The following MACROH2A2 variants were observed in gnomAD, a reference collection of about 807,000 sequenced individuals.
MACROH2A2 encodes macroH2A.2 histone, also known as core histone macro-H2A.2.
In MACROH2A2, 6 loss-of-function variants were observed where a neutral mutation model predicts 37.6. The observed-to-expected ratio is 0.16, with a 90% CI of 0.09 to 0.32. The LOEUF (loss-of-function observed/expected upper bound fraction) is 0.32. MACROH2A2 is among the 10% of genes least tolerant of loss of function. The probability of loss-of-function intolerance (pLI) is 1.00; values close to 1 mark genes in which losing one functional copy is unlikely to be tolerated. For synonymous variants in MACROH2A2, 192 were observed against 202.7 expected (o/e 0.95, Z 0.45); for missense variants, 290 against 485.9 (o/e 0.60, Z 3.79).
At chr10:70,073,802 C>T (rs1220206109) in intron 1 of MACROH2A2, among the ~76,000 whole-genome samples, 1 of 152,092 alleles carries the variant, frequency 6.6e-6, no homozygotes, top group Non-Finnish European at 1.5e-5. Flanking sequence ...TCATATTAAC[C>T]AAGCATTCAT....
intron 2 of MACROH2A2, among the ~76,000 whole-genome samples, chr10:70,083,790 C>G (rs1381716482): frequency 6.8e-6 from 1 of 147,924 alleles, no homozygotes; most frequent in African/African-American, 2.5e-5. Flanking sequence ...CTAGAATGCC[C>G]CATTGACCTG....
Position 70,107,020 on chromosome 10 carries a change from A to C in MACROH2A2, c.779-2013A>C. Among the ~76,000 whole-genome samples, 1 of 152,122 alleles carries C rather than the reference A, an allele frequency of 6.6e-6. No individual in the cohort carries two copies. Among genetic ancestry groups the C allele is most frequent in the East Asian group, 1.9e-4 (1 of 5,172 alleles). On this transcript the variant is annotated intron_variant, in intron 7 of 8. Coordinates refer to ENST00000373255, the MANE Select transcript of MACROH2A2 (RefSeq NM_018649.3). This position sits in a 1 kb window ranked among gnomAD's most constrained non-coding sequence, Gnocchi z 4.4. Reference sequence around the variant, plus strand: ...TCTCAGCAGAGCAGCCTCCAGTTTTAGGGGCATCATTGTTCAGTCCAAAGA... The same window carrying C: ...TCTCAGCAGAGCAGCCTCCAGTTTTCGGGGCATCATTGTTCAGTCCAAAGA...
chr10:70,091,255 C>G (rs1006534160), intron 3 of MACROH2A2, among the ~76,000 whole-genome samples: 1 of 152,224 alleles, frequency 6.6e-6, no homozygotes, highest in Non-Finnish European at 1.5e-5. Context: ...GCTTTCTGTA[C>G]AACATCACAG....
At position 70,075,744 on chromosome 10, in the gene MACROH2A2, T is replaced by C; in HGVS notation, c.86T>C (p.Met29Thr). Reference protein sequence around the residue: ...AGVIFPVGRLMRYLKKGTFKY... With the variant: ...AGVIFPVGRLTRYLKKGTFKY... ...GTCATCTTTCCAGTGGGGAGGCTGA[T>C]GCGTTATCTGAAGAAAGGGACGTTC... Residue 29 changes from methionine to threonine, a missense_variant, in exon 2 of 9, where the codon ATG (methionine) becomes ACG (threonine). Met to Thr is a moderately conservative substitution (Grantham distance 81). Transcript: ENST00000373255. This position sits in a 1 kb window ranked among gnomAD's most constrained non-coding sequence, Gnocchi z 5.0. The C allele has an allele frequency of 6.2e-7, 1 of 1,614,102 alleles. No homozygotes were observed. Among genetic ancestry groups the C allele is most frequent in the Non-Finnish European group, 8.5e-7 (1 of 1,179,966 alleles).
rs1347154929 is a variant in MACROH2A2, at chr10:70,053,250, G to A, written c.-60+250G>A. Among the ~76,000 whole-genome samples, 2 of 152,202 alleles carry A rather than the reference G, an allele frequency of 1.3e-5. No homozygotes were observed. Among genetic ancestry groups the A allele is most frequent in the East Asian group, 3.9e-4 (2 of 5,178 alleles). Reference sequence around the variant, plus strand: ...GTGGTCAAATTCCTGCGGCCAGCGAGGGGCCGGGGGCGTCGAGGGTACTGA... The same window carrying A: ...GTGGTCAAATTCCTGCGGCCAGCGAAGGGCCGGGGGCGTCGAGGGTACTGA... On this transcript the variant is annotated intron_variant, in intron 1 of 8. Coordinates refer to ENST00000373255, the MANE Select transcript of MACROH2A2 (RefSeq NM_018649.3). The surrounding 1 kb of genome is among the most constrained non-coding windows in gnomAD (Gnocchi z 4.8).
At chr10:70,063,865 G>A (rs575183264) in intron 1 of MACROH2A2, among the ~76,000 whole-genome samples, 7 of 152,302 alleles carry the variant, frequency 4.6e-5, no homozygotes, top group East Asian at 1.9e-4. Context: ...ACATATGCAC[G>A]TCACAGGGGA....
chr10:70,093,678 G>C (rs1003222715), intron 4 of MACROH2A2, 57 bp from the exon 5 acceptor site: 1 of 883,348 alleles, frequency 1.1e-6, no homozygotes, highest in Non-Finnish European at 1.9e-6. Flanking sequence ...CTTAATAAAG[G>C]CACCTCAGGC....
chr10:70,071,875 G>GGTGA (rs1156536512), intron 1 of MACROH2A2, among the ~76,000 whole-genome samples: 1 of 152,164 alleles, frequency 6.6e-6, no homozygotes. Context: ...AAGTACTCTG[G>GGTGA]GTGAGTGAGT....
At chr10:70,073,265 C>G (rs2072121121) in intron 1 of MACROH2A2, among the ~76,000 whole-genome samples, 1 of 152,210 alleles carries the variant, frequency 6.6e-6, no homozygotes. Flanking sequence ...AGCAGGCCCT[C>G]CATACATTTA....
intron 1 of MACROH2A2, among the ~76,000 whole-genome samples, chr10:70,070,141 C>T (rs1184475498): frequency 1.3e-5 from 2 of 152,138 alleles, no homozygotes; most frequent in Non-Finnish European, 2.9e-5. Flanking sequence ...CCCAGGAGGG[C>T]CTGGGAGATA....
intron 5 of MACROH2A2, 56 bp from the exon 6 acceptor site, chr10:70,095,598 A>AT (rs1207717061): frequency 4.6e-6 from 4 of 862,474 alleles, no homozygotes; most frequent in East Asian, 4.9e-5. Flanking sequence ...AAAATATGAG[A>AT]TTTTTCAACA....
intron 1 of MACROH2A2, among the ~76,000 whole-genome samples, chr10:70,067,984 A>G: frequency 6.6e-6 from 1 of 152,188 alleles, no homozygotes; most frequent in South Asian, 2.1e-4. Context: ...TATAAGCATG[A>G]GAGTTTTGGA....
chr10:70,065,684 AAAGAT>A (rs1268188498), intron 1 of MACROH2A2, among the ~76,000 whole-genome samples: 2 of 152,292 alleles, frequency 1.3e-5, no homozygotes, highest in East Asian at 3.9e-4. Flanking sequence ...ATAGAAGAAA[AAAGAT>A]AAGAGACTTG....
intron 1 of MACROH2A2, among the ~76,000 whole-genome samples, chr10:70,054,173 T>C (rs1373835793): frequency 6.6e-6 from 1 of 152,240 alleles, no homozygotes; most frequent in Non-Finnish European, 1.5e-5. Context: ...TGGACCACCG[T>C]GGGCCTGACT....
chr10:70,059,637 T>C (rs1297715460), intron 1 of MACROH2A2, among the ~76,000 whole-genome samples: 1 of 152,018 alleles, frequency 6.6e-6, no homozygotes, highest in Non-Finnish European at 1.5e-5. Flanking sequence ...TCCCAAAGTG[T>C]TGGGATTACA....
At chr10:70,105,832 A>G (rs1036902086) in intron 7 of MACROH2A2, among the ~76,000 whole-genome samples, 5 of 152,138 alleles carry the variant, frequency 3.3e-5, no homozygotes, top group African/African-American at 9.7e-5. Context: ...AGAGGGAAAA[A>G]GGGGAATCGG....
chr10:70,109,198 C>G lies in MACROH2A2; in HGVS notation c.944C>G (p.Pro315Arg), dbSNP rs1450041280. 1.9e-6 allele frequency: 3 copies of G among 1,613,842 alleles called. No individual in the cohort carries two copies. Among genetic ancestry groups the G allele is most frequent in the Non-Finnish European group, 2.5e-6 (3 of 1,179,876 alleles). ...KLKSVAFPPFPSGRNCFPKQT... is the reference protein window; with the variant it reads ...KLKSVAFPPFRSGRNCFPKQT... ...AAGTCCGTCGCGTTCCCGCCTTTCC[C>G]CAGCGGCAGGTAAGATGCAGTTCCC... The change falls in exon 8 of 9, where the codon CCC becomes CGC. Residue 315 changes from proline to arginine, a missense_variant. By Grantham distance (103) the Pro-to-Arg change is moderately radical. This residue lies in a region of MACROH2A2 where 130 missense variants were observed against 257.1 expected (regional missense o/e 0.51). Coordinates refer to ENST00000373255, the MANE Select transcript of MACROH2A2 (RefSeq NM_018649.3).
chr10:70,067,905 T>C (rs1009220939), intron 1 of MACROH2A2, among the ~76,000 whole-genome samples: 3 of 152,080 alleles, frequency 2.0e-5, no homozygotes, highest in Non-Finnish European at 4.4e-5. Context: ...GGAAGGTGGG[T>C]TAAGGCCTCA....
chr10:70,093,176 A>T (rs2072256449), intron 4 of MACROH2A2, among the ~76,000 whole-genome samples: 1 of 152,218 alleles, frequency 6.6e-6, no homozygotes, highest in Non-Finnish European at 1.5e-5. Flanking sequence ...CACACAAGCC[A>T]AGGCTATTTG....
Sources: gnomAD v4.1 joint callset for allele counts (sites outside exome capture counted in the v4.1 genomes callset) on GRCh38, gnomAD v4.1.1 for gene constraint, gnomAD v4.1.1 regional missense constraint, Gnocchi (gnomAD v3.1) non-coding constraint, MANE v1.5 for transcripts, NCBI Gene and HGNC (gene_info 2026-07-23, HGNC 2026-07-21) for gene names.